IL1R1: variants seen among roughly 807,000 people sequenced by gnomAD.
The protein encoded by IL1R1 is interleukin 1 receptor type 1, also known as interleukin-1 receptor type 1.
IL1R1 carries 22 observed loss-of-function variants against 50.2 expected under a neutral mutation model. The observed-to-expected ratio is 0.44, with a 90% CI of 0.31 to 0.63. The LOEUF is 0.63. Among genes scored for constraint, IL1R1 ranks in the 20% least tolerant of loss-of-function variants. IL1R1 has a pLI of 0.07. For synonymous variants in IL1R1, 251 were observed against 236.7 expected (o/e 1.06, Z -0.55); for missense variants, 509 against 676.2 (o/e 0.75, Z 2.74).
At chr2:102,175,981 T>A (rs1357226025) in intron 11 of IL1R1, 31 of 477,188 alleles carry the variant, frequency 6.5e-5, no homozygotes, top group Non-Finnish European at 3.7e-6. Context: ...GTTTTCTGAG[T>A]TCTAAATGAA....
At chr2:102,086,244 A>C (rs930048584) in intron 1 of IL1R1, among the ~76,000 whole-genome samples, 2 of 152,110 alleles carry the variant, frequency 1.3e-5, no homozygotes, top group Admixed American at 6.5e-5. Flanking sequence ...AGTTTTCTTT[A>C]GGTGCTTAGA....
At chr2:102,169,195 C>T (rs374880030) in intron 7 of IL1R1, among the ~76,000 whole-genome samples, 6 of 152,066 alleles carry the variant, frequency 3.9e-5, no homozygotes, top group South Asian at 2.1e-4. Context: ...AGCTTTGAGT[C>T]GGAAGAGTAA....
rs763581769 is a variant in IL1R1, at chr2:102,092,142, T to C, written c.-84+21609T>C. Among the ~76,000 whole-genome samples, 112 of 152,194 alleles carry C rather than the reference T, an allele frequency of 7.4e-4. 3 individuals carry two copies. Among genetic ancestry groups the C allele is most frequent in the Admixed American group, 2.0e-4 (3 of 15,280 alleles). ...TTTGAGACCCCCCTCAAGCTTCTGA[T>C]TGTCAGAGTAGCCCCACATAACCAT... On this transcript the variant is annotated intron_variant, in intron 1 of 11. Transcript: ENST00000409929.
At chr2:102,150,230 G>C (rs996178490) in intron 1 of IL1R1, among the ~76,000 whole-genome samples, 20 of 152,212 alleles carry the variant, frequency 1.3e-4, no homozygotes, top group African/African-American at 4.3e-4. Flanking sequence ...TAGGCCTTGA[G>C]GAAGAAACCT....
At chr2:102,134,019 CT>C (rs1682196161) in intron 1 of IL1R1, among the ~76,000 whole-genome samples, 2 of 152,112 alleles carry the variant, frequency 1.3e-5, no homozygotes, top group Non-Finnish European at 2.9e-5. Context: ...TATTAAAAAT[CT>C]ACTAGAACTA....
chr2:102,131,556 A>T (rs1304834015), intron 1 of IL1R1, among the ~76,000 whole-genome samples: 1 of 151,920 alleles, frequency 6.6e-6, no homozygotes, highest in East Asian at 1.9e-4. Flanking sequence ...ACAATTTCTG[A>T]GGTAAAAAAA....
intron 1 of IL1R1, among the ~76,000 whole-genome samples, chr2:102,151,150 C>T (rs775583668): frequency 6.6e-6 from 1 of 152,122 alleles, no homozygotes; most frequent in African/African-American, 2.4e-5. Flanking sequence ...ATTTCTTAGT[C>T]TCTAGTCCTA....
upstream of IL1R1, among the ~76,000 whole-genome samples, chr2:102,102,957 G>A (rs964855957): frequency 1.1e-4 from 17 of 151,898 alleles, no homozygotes; most frequent in South Asian, 2.1e-4. Flanking sequence ...GAGTTCATAC[G>A]GACACAAAGA....
intron 1 of IL1R1, among the ~76,000 whole-genome samples, chr2:102,094,968 G>A (rs531964812): frequency 3.4e-4 from 52 of 152,276 alleles, no homozygotes; most frequent in African/African-American, 1.2e-3. Flanking sequence ...TTACAAAGGG[G>A]CGTGAGAAAA....
At chr2:102,127,209 C>T (rs1371841427) in intron 1 of IL1R1, among the ~76,000 whole-genome samples, 1 of 152,218 alleles carries the variant, frequency 6.6e-6, no homozygotes, top group African/African-American at 2.4e-5. Context: ...CACTTAGCTT[C>T]AGAAGGATCC....
At chr2:102,086,265 C>CCAAT (rs1487903081) in intron 1 of IL1R1, among the ~76,000 whole-genome samples, 1 of 152,090 alleles carries the variant, frequency 6.6e-6, no homozygotes, top group Non-Finnish European at 1.5e-5. Context: ...GTATGTTGTT[C>CCAAT]CAATGCCTTT....
chr2:102,161,555 C>A (rs558223177), intron 3 of IL1R1, among the ~76,000 whole-genome samples: 4 of 152,304 alleles, frequency 2.6e-5, no homozygotes, highest in East Asian at 1.9e-4. Context: ...TAGTTTCTTG[C>A]AGAACCAGTT....
At position 102,157,642 on chromosome 2, in the gene IL1R1, G is replaced by A. The variant is rs1466216398; in HGVS notation, c.-6-77G>A. ...GAGGGTGGGGACAGGGCCGGTGTTG[G>A]TATATTTAGTTTTAGAGATTTGCTG... On this transcript the variant is annotated intron_variant, in intron 2 of 11. Transcript: ENST00000410023. 1.3e-5 allele frequency: 11 copies of A among 874,370 alleles called. No individual in the cohort carries two copies. In the Admixed American group the frequency reaches 1.7e-4, roughly 14 times the overall value. The allele number at this position is 874,370 out of a possible 1,614,324, so 54.2% of individuals were successfully genotyped here. A position where few individuals can be genotyped will look rare whatever the true frequency, so the allele number is the denominator to read the frequency against.
At chr2:102,120,310 T>C (rs1681336035) in intron 1 of IL1R1, among the ~76,000 whole-genome samples, 1 of 152,102 alleles carries the variant, frequency 6.6e-6, no homozygotes, top group African/African-American at 2.4e-5. Context: ...GTGTTATATG[T>C]ATGGTGTGAA....
At chr2:102,165,835 T>C (rs3917340) in intron 5 of IL1R1, among the ~76,000 whole-genome samples, 3,208 of 152,290 alleles carry the variant, frequency 0.021, 37 homozygotes, top group Non-Finnish European at 0.032. Context: ...AGAAACTATA[T>C]AGTGTTAACA....
intron 9 of IL1R1, among the ~76,000 whole-genome samples, chr2:102,173,114 C>T (rs553251807): frequency 6.6e-6 from 1 of 152,290 alleles, no homozygotes; most frequent in East Asian, 1.9e-4. Context: ...ATCTATGGTA[C>T]TTCGTTTTCT....
At chr2:102,103,025 T>C (rs1357646433), upstream of IL1R1, among the ~76,000 whole-genome samples, 6 of 151,978 alleles carry the variant, frequency 3.9e-5, no homozygotes, top group Non-Finnish European at 7.4e-5. Context: ...AGGGTGAGGA[T>C]TGAAACTACC....
At chr2:102,101,680 T>G (rs1016314841), upstream of IL1R1, among the ~76,000 whole-genome samples, 1 of 152,234 alleles carries the variant, frequency 6.6e-6, no homozygotes, top group Non-Finnish European at 1.5e-5. Context: ...GGGAAAATAC[T>G]TGAGTTATTT....
At chr2:102,079,015 A>C (rs1679097933) in intron 1 of IL1R1, among the ~76,000 whole-genome samples, 1 of 152,164 alleles carries the variant, frequency 6.6e-6, no homozygotes, top group Non-Finnish European at 1.5e-5. Context: ...AGATGCAGAC[A>C]AAATGTCTGA....
Sources: allele counts gnomAD v4.1 joint callset (sites outside exome capture counted in the v4.1 genomes callset), GRCh38; gene constraint gnomAD v4.1.1; transcripts MANE v1.5; gene names NCBI Gene and HGNC (gene_info 2026-07-23, HGNC 2026-07-21).